TSC22D1: variants seen among roughly 807,000 people sequenced by gnomAD.
TSC22D1 encodes TSC22 domain family member 1, also known as TSC22 domain family protein 1.
In TSC22D1, 9 loss-of-function variants were observed where a neutral mutation model predicts 74.2. The ratio of observed to expected loss-of-function variants is 0.12; its 90% CI spans 0.07 to 0.21. TSC22D1 has a LOEUF of 0.21. Among genes scored for constraint, TSC22D1 ranks in the 10% least tolerant of loss-of-function variants. The pLI is 1.00. For synonymous variants in TSC22D1, 586 were observed against 492.5 expected (o/e 1.19, Z -2.51); for missense variants, 1,427 against 1,304.7 (o/e 1.09, Z -1.44).
intron 1 of TSC22D1, among the ~76,000 whole-genome samples, chr13:44,535,181 T>C (rs1466585214): frequency 6.6e-6 from 1 of 152,198 alleles, no homozygotes; most frequent in East Asian, 1.9e-4. Flanking sequence ...GTTTACATTA[T>C]AATCCAAACA....
rs112969929 is a variant in TSC22D1 at position 44,550,734 on chromosome 13, A to C, written c.2912+22429T>G. ...AAAGTTTATTTCCCTACTTCCTTCA[A>C]AACCAATCAGCCCAGCCTGGGCAAC... is the stretch of plus-strand genomic sequence containing the variant. On this transcript the variant is annotated intron_variant, in intron 1 of 2. Transcript: ENST00000458659. Among the ~76,000 whole-genome samples, 216 of 152,170 alleles carry C rather than the reference A, an allele frequency of 1.4e-3. 1 individual carries two copies. Among genetic ancestry groups the C allele is most frequent in the African/African-American group, 4.8e-3 (200 of 41,508 alleles).
At chr13:44,486,178 C>T (rs1358393110) in intron 1 of TSC22D1, among the ~76,000 whole-genome samples, 1 of 151,874 alleles carries the variant, frequency 6.6e-6, no homozygotes, top group African/African-American at 2.4e-5. Context: ...TAAATATAAA[C>T]AGACAAGACT....
At chr13:44,440,163 T>G (rs535607265) in intron 1 of TSC22D1, among the ~76,000 whole-genome samples, 9 of 152,356 alleles carry the variant, frequency 5.9e-5, no homozygotes, top group Admixed American at 1.3e-4. Context: ...GTTTTAGTGT[T>G]GGGTCCCACA....
intron 1 of TSC22D1, chr13:44,437,214 C>CCG: frequency 1.0e-6 from 1 of 985,540 alleles, no homozygotes; most frequent in Non-Finnish European, 1.2e-6. Context: ...GAGCTGTGTC[C>CCG]CGCGGCTGCT....
In TSC22D1 at chr13:44,573,400, A is replaced by T. The variant is rs750266900; in HGVS notation, c.2675T>A (p.Leu892Gln). 6.2e-7 allele frequency: 1 copy of T among 1,614,156 alleles called. No individual in the cohort carries two copies. Among genetic ancestry groups the T allele is most frequent in the Non-Finnish European group, 8.5e-7 (1 of 1,180,064 alleles). Residue 892 changes from leucine to glutamine, a missense_variant, in exon 1 of 3, where the codon CTA (leucine) becomes CAA (glutamine). Leu to Gln is a moderately radical substitution (Grantham distance 113). Transcript: ENST00000458659. ...TNLPLAQQIP[L>Q]SSTQFSAQSL... Reference sequence around the variant, plus strand: ...TTGTGCGGAGAACTGGGTAGAACTTAGTGGTATCTGTTGTGCCAAAGGCAA... The same window carrying T: ...TTGTGCGGAGAACTGGGTAGAACTTTGTGGTATCTGTTGTGCCAAAGGCAA...
At position 44,576,276 on chromosome 13, in the gene TSC22D1, C is replaced by T. The variant is rs892406053; in HGVS notation, c.-202G>A. On this transcript the variant is annotated 5_prime_UTR_variant, in exon 1 of 3. Coordinates refer to ENST00000458659, the MANE Select transcript of TSC22D1 (RefSeq NM_183422.4). ...GGAAAGGAGGATGAACGAGGGTGAA[C>T]AGGGCGGCCGGGGACCCGAAGGGGG... The T allele has an allele frequency of 6.8e-5, 50 of 738,176 alleles. 2 individuals carry two copies. In the South Asian group the frequency reaches 9.5e-4, roughly 14 times the overall value. The allele number at this position is 738,176 out of a possible 1,614,324, so 45.7% of individuals were successfully genotyped here.
In TSC22D1 at chr13:44,455,941, TAAAG is replaced by T. The variant is rs529321382; in HGVS notation, c.2913-19850_2913-19847del. 7.9e-3 allele frequency among the ~76,000 whole-genome samples: 1,181 copies of T among 149,492 alleles called. 1 individual carries two copies. The highest frequency in any genetic ancestry group is 0.014 in the Middle Eastern group (4 of 292). ...ATCAAGTTGAAACCTGAGCAAGCCG[TAAAG>T]AAAGTCCAAAGACCATTGATATGCA... On this transcript the variant is annotated intron_variant, in intron 1 of 2. Transcript: ENST00000458659.
intron 1 of TSC22D1, among the ~76,000 whole-genome samples, chr13:44,499,443 T>C (rs781043611): frequency 2.0e-5 from 3 of 152,220 alleles, no homozygotes; most frequent in Non-Finnish European, 4.4e-5. Context: ...AAATTACATT[T>C]GTGTGACACA....
intron 1 of TSC22D1, among the ~76,000 whole-genome samples, chr13:44,456,402 G>C (rs867012885): frequency 6.6e-6 from 1 of 152,072 alleles, no homozygotes; most frequent in Non-Finnish European, 1.5e-5. Flanking sequence ...TGATTGGTGC[G>C]TTTACAAACC....
At chr13:44,530,579 G>A (rs1880779690) in intron 1 of TSC22D1, among the ~76,000 whole-genome samples, 1 of 149,972 alleles carries the variant, frequency 6.7e-6, no homozygotes, top group Non-Finnish European at 1.5e-5. Flanking sequence ...AGAACGAGAA[G>A]ACAAGCCACA....
chr13:44,456,395 T>G (rs1294171671), intron 1 of TSC22D1, among the ~76,000 whole-genome samples: 1 of 152,210 alleles, frequency 6.6e-6, no homozygotes, highest in Non-Finnish European at 1.5e-5. Flanking sequence ...AGAGTGCTGA[T>G]TGGTGCGTTT....
intron 1 of TSC22D1, among the ~76,000 whole-genome samples, chr13:44,471,055 T>G (rs1303865474): frequency 6.6e-6 from 1 of 152,202 alleles, no homozygotes; most frequent in Non-Finnish European, 1.5e-5. Flanking sequence ...TTCTGGCATA[T>G]AAAGTGTGTA....
rs768540522 is a variant in TSC22D1, at chr13:44,573,860, G to A, written c.2215C>T (p.Pro739Ser). 11 of 1,614,222 alleles carry A rather than the reference G, an allele frequency of 6.8e-6. No homozygotes were observed. Among genetic ancestry groups the A allele is most frequent in the East Asian group, 2.2e-5 (1 of 44,892 alleles). Residue 739 changes from proline to serine, a missense_variant, in exon 1 of 3, where the codon CCT becomes TCT. Physicochemically the swap from Pro to Ser is moderately conservative, Grantham distance 74. Around this residue, in one of 3 missense-constraint regions of TSC22D1, gnomAD observed 1,343 missense variants for 1,191.5 expected, o/e 1.13. Coordinates refer to ENST00000458659, the MANE Select transcript of TSC22D1 (RefSeq NM_183422.4). ...IANIGQQANI[P>S]TAVQQPSTQV... ...GTAGAGGGCTGCTGCACTGCAGTAG[G>A]TATGTTTGCTTGCTGACCAATATTT...
At chr13:44,465,043 T>C (rs1037060060) in intron 1 of TSC22D1, among the ~76,000 whole-genome samples, 67 of 152,342 alleles carry the variant, frequency 4.4e-4, no homozygotes, top group African/African-American at 1.3e-3. Context: ...TTTTGAGTGG[T>C]TGACCCCCAC....
intron 1 of TSC22D1, among the ~76,000 whole-genome samples, chr13:44,533,042 CGT>C (rs928854720): frequency 1.7e-3 from 262 of 152,076 alleles, no homozygotes; most frequent in African/African-American, 6.1e-3. Flanking sequence ...GTATTAGAAA[CGT>C]ATGTGGTATT....
intron 1 of TSC22D1, among the ~76,000 whole-genome samples, chr13:44,492,514 A>G (rs1383007781): frequency 6.6e-6 from 1 of 152,126 alleles, no homozygotes; most frequent in East Asian, 1.9e-4. Flanking sequence ...TAAAACAGAC[A>G]AGACTCTGTA....
intron 1 of TSC22D1, among the ~76,000 whole-genome samples, chr13:44,569,860 A>G (rs1883636615): frequency 6.6e-6 from 1 of 152,252 alleles, no homozygotes; most frequent in Admixed American, 6.5e-5. Context: ...AATGCCTGCT[A>G]ATTAATTCAA....
chr13:44,475,034 A>G (rs763170242), intron 1 of TSC22D1, among the ~76,000 whole-genome samples: 21 of 152,168 alleles, frequency 1.4e-4, no homozygotes, highest in Non-Finnish European at 2.8e-4. Flanking sequence ...TTGTTTTTCT[A>G]TTATTTAAAC....
chr13:44,447,447 G>A (rs1875772430), intron 1 of TSC22D1, among the ~76,000 whole-genome samples: 1 of 151,928 alleles, frequency 6.6e-6, no homozygotes, highest in African/African-American at 2.4e-5. Flanking sequence ...TGCATTACTA[G>A]GCTTGAATTT....
Sources: gnomAD v4.1 joint callset for allele counts (sites outside exome capture counted in the v4.1 genomes callset) on GRCh38, gnomAD v4.1.1 for gene constraint, gnomAD v4.1.1 regional missense constraint, MANE v1.5 for transcripts, NCBI Gene and HGNC (gene_info 2026-07-23, HGNC 2026-07-21) for gene names.